COL12A1: variants seen among roughly 807,000 people sequenced by gnomAD.
The protein encoded by COL12A1 is collagen type XII alpha 1 chain, also known as collagen alpha-1(XII) chain.
A neutral mutation model predicts 349.7 loss-of-function variants in COL12A1; 114 were observed. That is an observed-to-expected ratio of 0.33 (90% CI 0.28 to 0.38). The LOEUF (loss-of-function observed/expected upper bound fraction) is 0.38, where lower values mean the gene tolerates loss of function less well. Among genes scored for constraint, COL12A1 ranks in the 10% least tolerant of loss-of-function variants. The probability of loss-of-function intolerance (pLI) is 1.00; values close to 1 mark genes in which losing one functional copy is unlikely to be tolerated. For missense variants in COL12A1, 3,284 were observed against 3,756.9 expected (o/e 0.87, Z 3.29); for synonymous variants, 1,369 against 1,329.0 (o/e 1.03, Z -0.66).
chr6:75,107,047 G>A (rs748380348), intron 52 of COL12A1, among the ~76,000 whole-genome samples: 2 of 151,084 alleles, frequency 1.3e-5, no homozygotes, highest in Admixed American at 6.6e-5. Flanking sequence ...GATTATAGGC[G>A]TGCACCACCA....
intron 14 of COL12A1, among the ~76,000 whole-genome samples, chr6:75,162,066 G>A (rs1054792365): frequency 1.3e-5 from 2 of 152,060 alleles, no homozygotes; most frequent in African/African-American, 2.4e-5. Context: ...TGTCAAAATG[G>A]CCATACTGCC....
intron 58 of COL12A1, among the ~76,000 whole-genome samples, chr6:75,099,327 A>G (rs553359264): frequency 1.3e-5 from 2 of 152,338 alleles, no homozygotes; most frequent in Admixed American, 1.3e-4. Context: ...ATGTAACACC[A>G]ATATCACTTC....
At chr6:75,095,530 T>A (rs1767966566) in intron 59 of COL12A1, among the ~76,000 whole-genome samples, 1 of 145,336 alleles carries the variant, frequency 6.9e-6, no homozygotes, top group Admixed American at 7.1e-5. Context: ...GGCAGGAGAA[T>A]GGCGTGAACC....
intron 2 of COL12A1, among the ~76,000 whole-genome samples, chr6:75,196,463 A>C (rs906400993): frequency 6.6e-6 from 1 of 152,236 alleles, no homozygotes; most frequent in African/African-American, 2.4e-5. Flanking sequence ...TGCTGCGTCC[A>C]ACTGTAGGAG....
At chr6:75,166,649 T>A (rs1314934889) in intron 13 of COL12A1, among the ~76,000 whole-genome samples, 1 of 152,178 alleles carries the variant, frequency 6.6e-6, no homozygotes, top group East Asian at 1.9e-4. Context: ...TGCCACAGTA[T>A]GACATAAATA....
intron 13 of COL12A1, among the ~76,000 whole-genome samples, chr6:75,169,330 A>G (rs1768501491): frequency 6.6e-6 from 1 of 152,182 alleles, no homozygotes; most frequent in African/African-American, 2.4e-5. Flanking sequence ...GGGACTAGGA[A>G]AGAGAGAGGG....
intron 26 of COL12A1, 152 bp from the exon 27 acceptor site, chr6:75,142,313 A>G (rs1766936426): frequency 1.1e-6 from 1 of 880,452 alleles, no homozygotes. Context: ...CAGAAACTGG[A>G]CACAGTTTAA....
intron 12 of COL12A1, among the ~76,000 whole-genome samples, chr6:75,176,217 G>A (rs1001274489): frequency 6.6e-6 from 1 of 152,172 alleles, no homozygotes; most frequent in African/African-American, 2.4e-5. Context: ...ACAGTGAAAG[G>A]AGGAAGAGAG....
intron 1 of COL12A1, 126 bp downstream of exon 1, chr6:75,205,651 A>G (rs1163944104): frequency 1.3e-5 from 2 of 152,430 alleles, no homozygotes; most frequent in African/African-American, 4.8e-5. Flanking sequence ...CTACACTATT[A>G]CAAGTCCAAA....
At position 75,138,580 on chromosome 6, in the gene COL12A1, T is replaced by A; in HGVS notation, c.5098A>T (p.Thr1700Ser). 6.2e-7 allele frequency: 1 copy of A among 1,613,294 alleles called. No individual in the cohort carries two copies. Residue 1700 changes from threonine (T) to serine (S), a missense_variant and splice_region_variant, in exon 29 of 66, where the codon ACC becomes TCC. This residue lies in a region of COL12A1 where 2,601 missense variants were observed against 2,824.8 expected (regional missense o/e 0.92). Coordinates refer to ENST00000322507, the MANE Select transcript of COL12A1 (RefSeq NM_004370.6). ...GTGTTTTCATCTCCATTTAAGATGG[T>A]CTTGGAGAAAGAGGACAAAAACATA... is the stretch of plus-strand genomic sequence containing the variant. ...APFGSSDKMETILNGDENTLV... is the reference protein window; with the variant it reads ...APFGSSDKMESILNGDENTLV...
At chr6:75,147,842 T>C in intron 22 of COL12A1, 38 bp from the exon 23 acceptor site, 3 of 1,599,144 alleles carry the variant, frequency 1.9e-6, no homozygotes, top group Non-Finnish European at 1.7e-6. Flanking sequence ...AACGTATGTA[T>C]AATCAGTTCC....
chr6:75,166,189 T>A (rs146887792), intron 13 of COL12A1, among the ~76,000 whole-genome samples: 55 of 152,332 alleles, frequency 3.6e-4, no homozygotes, highest in African/African-American at 1.3e-3. Flanking sequence ...TTCCTTACCA[T>A]GATCTTTTCC....
At position 75,183,050 on chromosome 6, in the gene COL12A1, C is replaced by T. The variant is rs952803259; in HGVS notation, c.1891G>A (p.Ala631Thr). Residue 631 changes from alanine (A) to threonine (T), a missense_variant and splice_region_variant, in exon 10 of 66, where the codon GCT (alanine) becomes ACT (threonine). Physicochemically the swap from Ala to Thr is moderately conservative, Grantham distance 58 (BLOSUM62 0). Coordinates refer to ENST00000322507, the MANE Select transcript of COL12A1 (RefSeq NM_004370.6). The part of the protein sequence containing the change: ...EQELAAIKKK[A>T]YVPPKDLSFS... ...ACTTTTACTCTCAAAGTCTACTAAC[C>T]TTTCTTCTTTATAGCTGCCAATTCT... The T allele has an allele frequency of 6.3e-7, 1 of 1,594,838 alleles. No homozygotes were observed. Among genetic ancestry groups the T allele is most frequent in the Non-Finnish European group, 8.5e-7 (1 of 1,172,742 alleles).
intron 11 of COL12A1, among the ~76,000 whole-genome samples, chr6:75,179,245 A>T (rs1769135355): frequency 6.6e-6 from 1 of 152,216 alleles, no homozygotes; most frequent in Non-Finnish European, 1.5e-5. Context: ...ACCAAACTCC[A>T]TTGTAGTAGA....
rs749287325 is a variant in COL12A1 at position 75,105,288 on chromosome 6, T to A, written c.8183A>T (p.Asp2728Val). Residue 2728 changes from aspartate (D) to valine (V), a missense_variant, in exon 54 of 66, where the codon GAT becomes GTT. By Grantham distance (152) the Asp-to-Val change is radical (BLOSUM62 -3). Around this residue, in one of 2 missense-constraint regions of COL12A1, gnomAD observed 683 missense variants for 932.1 expected, o/e 0.73. Transcript: ENST00000322507. ...DRCCDIPSRR[D>V]EGKCPAFPNS... ...TGGAAAAGCAGGGCATTTTCCCTCA[T>A]CTCTCTGAAATTTTGAAAAGAATAT... The A allele has an allele frequency of 1.9e-6, 3 of 1,613,354 alleles. No homozygotes were observed. In the Admixed American group the frequency reaches 5.0e-5, roughly 27 times the overall value.
At chr6:75,148,934 G>A (rs925582147) in intron 21 of COL12A1, among the ~76,000 whole-genome samples, 1 of 152,086 alleles carries the variant, frequency 6.6e-6, no homozygotes, top group Non-Finnish European at 1.5e-5. Context: ...CTACTCTAGT[G>A]GTAGTAAATG....
intron 31 of COL12A1, among the ~76,000 whole-genome samples, chr6:75,135,370 C>T (rs1275268861): frequency 2.6e-5 from 4 of 152,156 alleles, no homozygotes; most frequent in Non-Finnish European, 5.9e-5. Context: ...ACAGCCTTAG[C>T]TGTGTTAACG....
At chr6:75,194,972 T>C (rs1770144528) in intron 2 of COL12A1, 25 bp from the exon 3 acceptor site, 1 of 1,353,634 alleles carries the variant, frequency 7.4e-7, no homozygotes, top group African/African-American at 1.5e-5. Flanking sequence ...GTTTATATTA[T>C]TAAACTTTTC....
chr6:75,152,127 T>C lies in COL12A1; in HGVS notation c.3835+4A>G, dbSNP rs187358458. 940 of 1,613,816 alleles carry C rather than the reference T, an allele frequency of 5.8e-4. No individual in the cohort carries two copies. Among genetic ancestry groups the C allele is most frequent in the Non-Finnish European group, 7.3e-4 (866 of 1,179,812 alleles). ...TGAAAGACTGTCAGACAGTCCTTAC[T>C]CACCTGTGAGAGTATTGCCTCCTTT... On this transcript the variant is annotated splice_donor_region_variant and intron_variant, in intron 19 of 65. Transcript: ENST00000322507.
Sources: gnomAD v4.1 joint callset for allele counts (sites outside exome capture counted in the v4.1 genomes callset) on GRCh38, gnomAD v4.1.1 for gene constraint, gnomAD v4.1.1 regional missense constraint, MANE v1.5 for transcripts, NCBI Gene and HGNC (gene_info 2026-07-23, HGNC 2026-07-21) for gene names.